DAPP1: variants seen among roughly 807,000 people sequenced by gnomAD.
The protein encoded by DAPP1 is dual adaptor of phosphotyrosine and 3-phosphoinositides 1.
DAPP1 carries 20 observed loss-of-function variants against 41.5 expected under a neutral mutation model. That is an observed-to-expected ratio of 0.48 (90% CI 0.34 to 0.70). The LOEUF (loss-of-function observed/expected upper bound fraction) is 0.70. Among genes scored for constraint, DAPP1 ranks in the 30% least tolerant of loss-of-function variants. The probability of loss-of-function intolerance (pLI) is 0.01; values close to 1 mark genes in which losing one functional copy is unlikely to be tolerated. For synonymous variants in DAPP1, 113 were observed against 116.2 expected, an observed-to-expected ratio of 0.97 and a Z score of 0.18; for missense variants, 233 against 333.4, an observed-to-expected ratio of 0.70 and a Z score of 2.35.
chr4:99,858,901 T>C (rs1724140976), intron 4 of DAPP1, among the ~76,000 whole-genome samples: 1 of 151,978 alleles, frequency 6.6e-6, no homozygotes, highest in Admixed American at 6.6e-5. Context: ...AAAAAATTTT[T>C]TTTTTTTGGA....
At chr4:99,858,182 A>G (rs1286055346) in intron 4 of DAPP1, among the ~76,000 whole-genome samples, 1 of 152,264 alleles carries the variant, frequency 6.6e-6, no homozygotes, top group Non-Finnish European at 1.5e-5. Flanking sequence ...GTTCCGTCAG[A>G]GTAAAAGATC....
chr4:99,847,513 ACC>A (rs1723705878), intron 3 of DAPP1, among the ~76,000 whole-genome samples: 1 of 152,202 alleles, frequency 6.6e-6, no homozygotes, highest in African/African-American at 2.4e-5. Context: ...CATGGCTGAA[ACC>A]AGGTTTCATG....
chr4:99,866,553 G>A (rs1436629380), intron 8 of DAPP1: 1 of 766,182 alleles, frequency 1.3e-6, no homozygotes, highest in Admixed American at 1.7e-5. Context: ...ATCACTTTGT[G>A]CAGGTCAAGG....
At chr4:99,857,735 C>CACAT (rs1291513193) in intron 4 of DAPP1, among the ~76,000 whole-genome samples, 1 of 145,314 alleles carries the variant, frequency 6.9e-6, no homozygotes, top group African/African-American at 2.6e-5. Flanking sequence ...CACACACACA[C>CACAT]ATAAAATAAT....
At chr4:99,839,091 A>G (rs1303000766) in intron 2 of DAPP1, among the ~76,000 whole-genome samples, 1 of 152,194 alleles carries the variant, frequency 6.6e-6, no homozygotes, top group Non-Finnish European at 1.5e-5. Flanking sequence ...GGACTAGGGC[A>G]GCTGTTCTAA....
intron 3 of DAPP1, among the ~76,000 whole-genome samples, chr4:99,850,129 G>A (rs987315587): frequency 3.3e-5 from 5 of 152,196 alleles, no homozygotes; most frequent in African/African-American, 1.2e-4. Context: ...AAAAAATTAG[G>A]CCAGGCACAG....
Position 99,822,299 on chromosome 4 carries a change from C to T in DAPP1, c.101+5285C>T, listed in dbSNP as rs115921433. Among the ~76,000 whole-genome samples, 986 of 152,194 alleles carry T rather than the reference C, an allele frequency of 6.5e-3. 5 individuals are homozygous for T. Among genetic ancestry groups the T allele is most frequent in the Non-Finnish European group, 9.5e-3 (646 of 68,018 alleles). On this transcript the variant is annotated intron_variant, in intron 1 of 8. Transcript: ENST00000512369. Reference sequence around the variant, plus strand: ...CATAGATCTATCTGTTGTATGATGACGCCAGGCAAGGCAGCATAGAGGAGA... The same window carrying T: ...CATAGATCTATCTGTTGTATGATGATGCCAGGCAAGGCAGCATAGAGGAGA...
chr4:99,855,454 T>C (rs1382681419), intron 4 of DAPP1, among the ~76,000 whole-genome samples: 1 of 152,232 alleles, frequency 6.6e-6, no homozygotes, highest in Non-Finnish European at 1.5e-5. Flanking sequence ...AAGCACATTC[T>C]GGAAACCTTG....
intron 1 of DAPP1, among the ~76,000 whole-genome samples, chr4:99,834,197 T>C (rs1723218020): frequency 6.6e-6 from 1 of 152,104 alleles, no homozygotes; most frequent in South Asian, 2.1e-4. Flanking sequence ...AAAATAAAAA[T>C]AATAAATAAT....
At chr4:99,866,766 A>ATTTTTTTT (rs11315402) in intron 8 of DAPP1, 1 of 343,172 alleles carries the variant, frequency 2.9e-6, no homozygotes, top group Non-Finnish European at 5.0e-6. Flanking sequence ...CTTTTTTTCT[A>ATTTTTTTT]TTTTTTTTTT....
intron 4 of DAPP1, 51 bp from the exon 5 acceptor site, chr4:99,861,527 A>G: frequency 6.6e-7 from 1 of 1,525,998 alleles, no homozygotes; most frequent in South Asian, 1.2e-5. Flanking sequence ...AGGAAGGACA[A>G]ACGTCCTGTT....
intron 3 of DAPP1, among the ~76,000 whole-genome samples, chr4:99,842,961 T>A (rs1240227145): frequency 6.6e-6 from 1 of 151,016 alleles, no homozygotes; most frequent in Non-Finnish European, 1.5e-5. Context: ...ACGCCAGAAG[T>A]ACAGATATTT....
At chr4:99,852,504 C>T (rs925864253) in intron 3 of DAPP1, among the ~76,000 whole-genome samples, 2 of 152,142 alleles carry the variant, frequency 1.3e-5, no homozygotes, top group African/African-American at 2.4e-5. Context: ...ATGCCTGGAC[C>T]CCCTGGGCTG....
intron 1 of DAPP1, among the ~76,000 whole-genome samples, chr4:99,828,985 G>A (rs17029552): frequency 0.32 from 49,295 of 151,886 alleles, 8,516 homozygotes; most frequent in African/African-American, 0.44. Flanking sequence ...GGGAAAATGA[G>A]ACTAGAAGAA....
intron 4 of DAPP1, 34 bp from the exon 5 acceptor site, chr4:99,861,544 G>A: frequency 6.4e-7 from 1 of 1,557,160 alleles, no homozygotes; most frequent in Non-Finnish European, 8.7e-7. Flanking sequence ...TGTTGTGACA[G>A]TTCTGGTCTT....
chr4:99,830,945 A>C (rs1296557978), intron 1 of DAPP1, among the ~76,000 whole-genome samples: 1 of 152,188 alleles, frequency 6.6e-6, no homozygotes, highest in African/African-American at 2.4e-5. Context: ...TTTTCTAATT[A>C]AATTTGTAGC....
At chr4:99,855,758 CA>C (rs1560705048) in intron 4 of DAPP1, among the ~76,000 whole-genome samples, 1 of 152,182 alleles carries the variant, frequency 6.6e-6, no homozygotes, top group African/African-American at 2.4e-5. Context: ...TTATTGAACA[CA>C]AGTTCTAAGC....
chr4:99,863,948 A>G (rs2110168126), intron 7 of DAPP1, 93 bp downstream of exon 7: 3 of 842,798 alleles, frequency 3.6e-6, no homozygotes, highest in East Asian at 5.4e-5. Context: ...CTTAATGTCT[A>G]CAAAGATCAG....
chr4:99,820,729 G>T (rs1722747266), intron 1 of DAPP1, among the ~76,000 whole-genome samples: 1 of 152,124 alleles, frequency 6.6e-6, no homozygotes, highest in Admixed American at 6.5e-5. Flanking sequence ...AGGCCTTACA[G>T]TCTCTACCTC....
Sources: allele counts gnomAD v4.1 joint callset (sites outside exome capture counted in the v4.1 genomes callset), GRCh38; gene constraint gnomAD v4.1.1; transcripts MANE v1.5; gene names NCBI Gene and HGNC (gene_info 2026-07-23, HGNC 2026-07-21).